MGST1: variants seen among roughly 807,000 people sequenced by gnomAD.
The protein encoded by MGST1 is microsomal glutathione S-transferase 1, also known as glutathione S-transferase 12.
In MGST1, 5 loss-of-function variants were observed where a neutral mutation model predicts 8.9. The observed-to-expected ratio is 0.56, with a 90% CI of 0.29 to 1.19. The LOEUF (loss-of-function observed/expected upper bound fraction) is 1.19, where lower values mean the gene tolerates loss of function less well. MGST1 is among the 50% of genes most tolerant of loss of function. The probability of loss-of-function intolerance (pLI) is 0.08; values close to 1 mark genes in which losing one functional copy is unlikely to be tolerated. For synonymous variants in MGST1, 54 were observed against 67.8 expected (o/e 0.80, Z 1.00); for missense variants, 182 against 187.4 (o/e 0.97, Z 0.17).
chr12:16,393,893 A>G (rs933318809), intron 1 of MGST1, among the ~76,000 whole-genome samples: 1 of 152,214 alleles, frequency 6.6e-6, no homozygotes, highest in Non-Finnish European at 1.5e-5. Context: ...GTAATCTACT[A>G]TATTGCTAGA....
chr12:16,456,912 C>G (rs1036372615), intron 4 of MGST1, among the ~76,000 whole-genome samples: 1 of 151,936 alleles, frequency 6.6e-6, no homozygotes, highest in African/African-American at 2.4e-5. Context: ...TGTTCACCCT[C>G]TAACCTGGAC....
chr12:16,429,758 G>A (rs980883745), intron 1 of MGST1, among the ~76,000 whole-genome samples: 1 of 152,178 alleles, frequency 6.6e-6, no homozygotes, highest in Non-Finnish European at 1.5e-5. Context: ...ACTTTAGCAA[G>A]TCATAATCAT....
At chr12:16,375,707 T>C (rs1940368382) in intron 3 of MGST1, among the ~76,000 whole-genome samples, 1 of 151,994 alleles carries the variant, frequency 6.6e-6, no homozygotes, top group African/African-American at 2.4e-5. Flanking sequence ...TCTGTACTAC[T>C]GAATTTGAAT....
chr12:16,516,233 C>T (rs1441771038), intron 4 of MGST1, among the ~76,000 whole-genome samples: 1 of 152,212 alleles, frequency 6.6e-6, no homozygotes, highest in Non-Finnish European at 1.5e-5. Flanking sequence ...ACATCTTTTA[C>T]ATCCTAGCTC....
chr12:16,560,623 G>A lies in MGST1; in HGVS notation n.483-28905G>A, dbSNP rs1942368055. ...AAGAGAGATGATGTTAATATACTCT[G>A]TAAAGCTACAATACACAATGCTTTA... On this transcript the variant is annotated intron_variant and non_coding_transcript_variant, in intron 4 of 4. Transcript: ENST00000538857. This position sits in a 1 kb window ranked among gnomAD's most constrained non-coding sequence, Gnocchi z 5.0. 11 of 1,200,884 alleles carry A rather than the reference G, an allele frequency of 9.2e-6. No individual in the cohort carries two copies. In the South Asian group the frequency reaches 1.6e-4, roughly 17 times the overall value. The allele number at this position is 1,200,884 out of a possible 1,614,324, so 74.4% of individuals were successfully genotyped here.
intron 4 of MGST1, among the ~76,000 whole-genome samples, chr12:16,475,168 T>G (rs1941313235): frequency 6.6e-6 from 1 of 152,126 alleles, no homozygotes; most frequent in South Asian, 2.1e-4. Flanking sequence ...CAGAACCAAT[T>G]CTATATCCCT....
intron 4 of MGST1, among the ~76,000 whole-genome samples, chr12:16,448,775 T>C (rs933532425): frequency 6.6e-6 from 1 of 151,926 alleles, no homozygotes; most frequent in Non-Finnish European, 1.5e-5. Flanking sequence ...TCTCTCCAAC[T>C]CCACCCCAAG....
rs369117842 is a variant in MGST1, at chr12:16,526,017, T to G, written n.483-63511T>G. 5.8e-3 allele frequency among the ~76,000 whole-genome samples: 859 copies of G among 147,030 alleles called. 5 individuals are homozygous for G. The highest frequency in any genetic ancestry group is 0.021 in the African/African-American group (807 of 38,280). Reference sequence around the variant, plus strand: ...TTTGTTTTTTTCTTGTAAATTTGTTTGAGTTCATTGTAGATTCTGGATATT... The same window carrying G: ...TTTGTTTTTTTCTTGTAAATTTGTTGGAGTTCATTGTAGATTCTGGATATT... On this transcript the variant is annotated intron_variant and non_coding_transcript_variant, in intron 4 of 4. Coordinates refer to the MGST1 transcript ENST00000538857.
chr12:16,427,301 G>A lies in MGST1; in HGVS notation n.779-10087G>A, dbSNP rs117367985. On this transcript the variant is annotated intron_variant and non_coding_transcript_variant, in intron 1 of 1. Transcript: ENST00000359720. ...GTAAACAGGGGATGAAGGGCAGAGG[G>A]AAAGAGATGAAAAAACCTGTCTCTG... Among the ~76,000 whole-genome samples the A allele has an allele frequency of 9.3e-4, 141 of 152,220 alleles. 1 individual carries two copies. The East Asian group carries it at 0.023, about 25-fold the overall frequency.
chr12:16,492,413 G>A (rs560866079), intron 4 of MGST1, among the ~76,000 whole-genome samples: 2 of 152,210 alleles, frequency 1.3e-5, no homozygotes, highest in East Asian at 3.9e-4. Context: ...AGCGCGGTTT[G>A]TGTTACAGCC....
At chr12:16,475,969 A>C (rs1052410355) in intron 4 of MGST1, among the ~76,000 whole-genome samples, 10 of 152,088 alleles carry the variant, frequency 6.6e-5, no homozygotes, top group African/African-American at 1.5e-4. Flanking sequence ...AGAAAAAAAA[A>C]AAATACATGA....
intron 4 of MGST1, among the ~76,000 whole-genome samples, chr12:16,490,888 A>G (rs907431061): frequency 6.6e-6 from 1 of 152,158 alleles, no homozygotes; most frequent in Admixed American, 6.5e-5. Context: ...ACATGAAATG[A>G]CATGATTTAT....
At chr12:16,573,063 AAAAGG>A (rs1449882952) in intron 4 of MGST1, among the ~76,000 whole-genome samples, 5 of 152,136 alleles carry the variant, frequency 3.3e-5, no homozygotes, top group African/African-American at 1.2e-4. Context: ...TACATCTTAT[AAAAGG>A]AAAGAAAAAA....
downstream of MGST1, among the ~76,000 whole-genome samples, chr12:16,379,053 G>A (rs10846341): frequency 0.6 from 91,585 of 151,630 alleles, 28,432 homozygotes; most frequent in East Asian, 0.96. Context: ...TTGGGCTGAG[G>A]CAATGGGGTT....
At chr12:16,534,018 G>T (rs998758087) in intron 4 of MGST1, among the ~76,000 whole-genome samples, 1 of 152,138 alleles carries the variant, frequency 6.6e-6, no homozygotes, top group Non-Finnish European at 1.5e-5. Flanking sequence ...TTACGGTGAG[G>T]TGGAAGATGA....
In MGST1 at chr12:16,482,017, G is replaced by A. The variant is rs570547485; in HGVS notation, n.482+98413G>A. Among the ~76,000 whole-genome samples, 19 of 151,950 alleles carry A rather than the reference G, an allele frequency of 1.3e-4. No homozygotes were observed. The highest frequency in any genetic ancestry group is 1.9e-4 in the Non-Finnish European group (13 of 67,968). The stretch of plus-strand genomic sequence containing the variant: ...GAGAAAAGACATTTTACACAGAAAG[G>A]AATAATAAGCAGATTGACAATGTAA... On this transcript the variant is annotated intron_variant and non_coding_transcript_variant, in intron 4 of 4. Coordinates refer to the MGST1 transcript ENST00000538857. The surrounding 1 kb of genome is among the most constrained non-coding windows in gnomAD (Gnocchi z 4.2).
chr12:16,581,022 C>T (rs1347354998), intron 4 of MGST1, among the ~76,000 whole-genome samples: 1 of 152,096 alleles, frequency 6.6e-6, no homozygotes, highest in Non-Finnish European at 1.5e-5. Context: ...GAAATTGCAG[C>T]CACTAACAAA....
chr12:16,446,756 G>T (rs1418004945), intron 4 of MGST1, among the ~76,000 whole-genome samples: 1 of 151,828 alleles, frequency 6.6e-6, no homozygotes, highest in East Asian at 2.0e-4. Flanking sequence ...TGGTGGCTTG[G>T]GGAAGAGAGC....
At position 16,500,270 on chromosome 12, in the gene MGST1, G is replaced by A. The variant is rs767021739; in HGVS notation, n.483-89258G>A. ...CATTAAAAAATGTGTCCAAAATGAA[G>A]CAAAGTGTAACTACGATAGTTGGAA... On this transcript the variant is annotated intron_variant and non_coding_transcript_variant, in intron 4 of 4. Transcript: ENST00000538857. This position sits in a 1 kb window ranked among gnomAD's most constrained non-coding sequence, Gnocchi z 4.3. Among the ~76,000 whole-genome samples, 9 of 152,218 alleles carry A rather than the reference G, an allele frequency of 5.9e-5. No homozygotes were observed. The highest frequency in any genetic ancestry group is 7.4e-5 in the Non-Finnish European group (5 of 68,008).
Sources: allele counts gnomAD v4.1 joint callset (sites outside exome capture counted in the v4.1 genomes callset), GRCh38; gene constraint gnomAD v4.1.1; non-coding constraint Gnocchi (gnomAD v3.1); transcripts MANE v1.5; gene names NCBI Gene and HGNC (gene_info 2026-07-23, HGNC 2026-07-21).